Variants in SMC5 observed in about 807,000 individuals in gnomAD.
SMC5 encodes the protein structural maintenance of chromosomes protein 5.
A neutral mutation model predicts 148.3 loss-of-function variants in SMC5; 88 were observed. The ratio of observed to expected loss-of-function variants is 0.59; its 90% CI spans 0.50 to 0.71. The LOEUF (loss-of-function observed/expected upper bound fraction) is 0.71, where lower values mean the gene tolerates loss of function less well. Among genes scored for constraint, SMC5 ranks in the 30% least tolerant of loss-of-function variants. The pLI is 0.00. For synonymous variants in SMC5, 421 were observed against 432.8 expected, an observed-to-expected ratio of 0.97 and a Z score of 0.34; for missense variants, 1,142 against 1,298.9, an observed-to-expected ratio of 0.88 and a Z score of 1.86.
In SMC5 at chr9:70,265,338, A is replaced by T. The variant is rs1205780254; in HGVS notation, c.327+893A>T. On this transcript the variant is annotated intron_variant, in intron 2 of 24. Transcript: ENST00000361138. ...GCCAGGCATGGTGGCGGGTGCCTGTAATCCCAGCTACTAGGGAGGCTGAAG... is the reference window on the plus strand; with the variant it reads ...GCCAGGCATGGTGGCGGGTGCCTGTTATCCCAGCTACTAGGGAGGCTGAAG... Among the ~76,000 whole-genome samples the T allele has an allele frequency of 2.0e-5, 3 of 152,274 alleles. No individual in the cohort carries two copies. In the East Asian group the frequency reaches 5.8e-4, roughly 29 times the overall value.
chr9:70,330,160 C>G (rs2036183036), intron 17 of SMC5, among the ~76,000 whole-genome samples: 1 of 152,138 alleles, frequency 6.6e-6, no homozygotes. Context: ...AATCAAATTG[C>G]AGTCTAAGTC....
In SMC5 at chr9:70,324,151, T is replaced by G. The variant is rs1252950864; in HGVS notation, c.2397+8T>G. 1.9e-6 allele frequency: 3 copies of G among 1,578,894 alleles called. No homozygotes were observed. In the East Asian group the frequency reaches 6.8e-5, roughly 36 times the overall value. On this transcript the variant is annotated splice_region_variant and intron_variant, in intron 17 of 24. Coordinates refer to ENST00000361138, the MANE Select transcript of SMC5 (RefSeq NM_015110.4). ...CAACTCCGTCTTACAGAGGTAAAAT[T>G]TTTGCCTTTACTTTTTATTTTGAGG...
intron 5 of SMC5, among the ~76,000 whole-genome samples, chr9:70,278,940 C>T (rs2034672467): frequency 6.6e-6 from 1 of 152,180 alleles, no homozygotes; most frequent in South Asian, 2.1e-4. Flanking sequence ...TAAACACCTA[C>T]TATGTGCCAG....
intron 17 of SMC5, among the ~76,000 whole-genome samples, chr9:70,340,547 C>A (rs992186297): frequency 6.6e-6 from 1 of 150,434 alleles, no homozygotes; most frequent in East Asian, 2.0e-4. Flanking sequence ...AATTTGAAAT[C>A]AACTAAATTG....
intron 8 of SMC5, among the ~76,000 whole-genome samples, chr9:70,294,430 G>C (rs2118337140): frequency 6.6e-6 from 1 of 152,232 alleles, no homozygotes; most frequent in Middle Eastern, 3.4e-3. Flanking sequence ...TTAGAACTGG[G>C]CTTTTTCCTG....
rs568452657 is a variant in SMC5 at position 70,332,522 on chromosome 9, T to C, written c.2397+8379T>C. 5.0e-5 allele frequency among the ~76,000 whole-genome samples: 2 copies of C among 40,380 alleles called. 1 individual carries two copies. Among genetic ancestry groups the C allele is most frequent in the Admixed American group, 5.2e-4 (2 of 3,838 alleles). 26.5% of individuals were successfully genotyped at this position (40,380 alleles called of 152,430 possible). A position where few individuals can be genotyped will look rare whatever the true frequency, so the allele number is the denominator to read the frequency against. On this transcript the variant is annotated intron_variant, in intron 17 of 24. Transcript: ENST00000361138. ...CTGGGTGACAGAGTGAGACCCTGTC[T>C]CAAAAAAAAAAAAAAAAAAAAAGAA...
At chr9:70,323,748 T>G (rs2036008472) in intron 16 of SMC5, 142 bp downstream of exon 16, 2 of 1,020,842 alleles carry the variant, frequency 2.0e-6, no homozygotes, top group Non-Finnish European at 2.8e-6. Flanking sequence ...ATCATCAGTT[T>G]CAGCTTGCTT....
chr9:70,297,583 T>G (rs2035235762), intron 8 of SMC5, among the ~76,000 whole-genome samples: 1 of 152,222 alleles, frequency 6.6e-6, no homozygotes, highest in Non-Finnish European at 1.5e-5. Context: ...ATTATCATTT[T>G]TATTATTTAT....
intron 6 of SMC5, 58 bp from the exon 7 acceptor site, chr9:70,282,363 TA>T (rs2034772822): frequency 1.2e-5 from 18 of 1,461,036 alleles, no homozygotes; most frequent in Non-Finnish European, 1.6e-5. Context: ...TCTTGATTTT[TA>T]GTATATGTGT....
intron 18 of SMC5, 80 bp downstream of exon 18, chr9:70,344,349 G>C: frequency 8.8e-7 from 1 of 1,141,316 alleles, no homozygotes; most frequent in East Asian, 3.2e-5. Flanking sequence ...ATTGTAACAG[G>C]CCGTGAAAAA....
At chr9:70,329,981 G>A (rs1160236116) in intron 17 of SMC5, among the ~76,000 whole-genome samples, 3 of 152,018 alleles carry the variant, frequency 2.0e-5, no homozygotes, top group Admixed American at 6.6e-5. Context: ...ACTTTTAAAC[G>A]ATCAGATCTT....
chr9:70,305,380 A>G lies in SMC5; in HGVS notation c.1578+20A>G, dbSNP rs1405111398. The G allele has an allele frequency of 2.2e-6, 3 of 1,357,584 alleles. No individual in the cohort carries two copies. The highest frequency in any genetic ancestry group is 2.3e-5 in the East Asian group (1 of 43,404). The allele number at this position is 1,357,584 out of a possible 1,614,324, so 84.1% of individuals were successfully genotyped here. ...AAAGAGGCAAGTACTAACCAACACA[A>G]CACTTTGATTCACTTGACACTTACT... On this transcript the variant is annotated intron_variant, in intron 11 of 24. Transcript: ENST00000361138.
At chr9:70,299,767 A>G (rs930798299) in intron 9 of SMC5, among the ~76,000 whole-genome samples, 4 of 150,988 alleles carry the variant, frequency 2.6e-5, no homozygotes, top group Admixed American at 1.3e-4. Context: ...TAGGAAATCT[A>G]GTGTTTTCCT....
chr9:70,320,620 A>G (rs554799735), intron 15 of SMC5, among the ~76,000 whole-genome samples: 1 of 152,330 alleles, frequency 6.6e-6, no homozygotes, highest in Non-Finnish European at 1.5e-5. Context: ...CAAATACTAC[A>G]TCATTTTATA....
chr9:70,306,357 T>G (rs2035497773), intron 11 of SMC5, among the ~76,000 whole-genome samples: 1 of 152,206 alleles, frequency 6.6e-6, no homozygotes, highest in South Asian at 2.1e-4. Flanking sequence ...TTGACCCTGC[T>G]TTGGCTTTTA....
chr9:70,263,674 A>G (rs191714501), intron 1 of SMC5, among the ~76,000 whole-genome samples: 2 of 152,338 alleles, frequency 1.3e-5, no homozygotes, highest in Admixed American at 1.3e-4. Flanking sequence ...TTTGTAGGGC[A>G]GTGTCTCTCT....
At chr9:70,314,554 C>A (rs926834205) in intron 11 of SMC5, among the ~76,000 whole-genome samples, 188 bp from the exon 12 acceptor site, 1 of 151,390 alleles carries the variant, frequency 6.6e-6, no homozygotes, top group African/African-American at 2.4e-5. Context: ...AAGAAGTGGA[C>A]TCTTTTTATA....
chr9:70,288,116 G>C (rs1180126), intron 8 of SMC5, among the ~76,000 whole-genome samples: 32,163 of 152,024 alleles, frequency 0.21, 3,540 homozygotes, highest in South Asian at 0.28. Flanking sequence ...TACAAAGTTG[G>C]TAGATTGCCT....
intron 17 of SMC5, among the ~76,000 whole-genome samples, chr9:70,343,553 A>G (rs369468584): frequency 3.9e-5 from 6 of 152,206 alleles, no homozygotes; most frequent in Admixed American, 2.6e-4. Context: ...GGTGGCTCAC[A>G]CCTGTAATCC....
Sources: gnomAD v4.1 joint callset for allele counts (sites outside exome capture counted in the v4.1 genomes callset) on GRCh38, gnomAD v4.1.1 for gene constraint, MANE v1.5 for transcripts, NCBI Gene and HGNC (gene_info 2026-07-23, HGNC 2026-07-21) for gene names.